PPP1R12B: variants seen among roughly 807,000 people sequenced by gnomAD.
The protein encoded by PPP1R12B is myosin phosphatase target subunit 2.
Under a neutral mutation model 126.1 loss-of-function variants are expected in PPP1R12B, and 76 were observed. The ratio of observed to expected loss-of-function variants is 0.60; its 90% CI spans 0.50 to 0.73. The LOEUF (loss-of-function observed/expected upper bound fraction) is 0.73. Ranked by LOEUF, PPP1R12B falls within the 30% of genes least tolerant of loss-of-function variation. The pLI, the probability that PPP1R12B is intolerant of heterozygous loss-of-function variation, is 0.00. For synonymous variants in PPP1R12B, 356 were observed against 434.7 expected, an observed-to-expected ratio of 0.82 and a Z score of 2.25; for missense variants, 1,052 against 1,205.1, an observed-to-expected ratio of 0.87 and a Z score of 1.88.
At chr1:202,350,230 C>G (rs1433746614) in intron 1 of PPP1R12B, among the ~76,000 whole-genome samples, 2 of 152,170 alleles carry the variant, frequency 1.3e-5, no homozygotes, top group African/African-American at 4.8e-5. Context: ...CTCTTTCACC[C>G]TATTTTGTAC....
intron 1 of PPP1R12B, among the ~76,000 whole-genome samples, chr1:202,409,498 T>A (rs1281650320): frequency 6.6e-6 from 1 of 151,522 alleles, no homozygotes; most frequent in African/African-American, 2.4e-5. Flanking sequence ...ATTTTTTGTA[T>A]TTTAGTAGAG....
At chr1:202,387,401 T>G (rs1203409704) in intron 1 of PPP1R12B, among the ~76,000 whole-genome samples, 1 of 152,212 alleles carries the variant, frequency 6.6e-6, no homozygotes, top group Admixed American at 6.5e-5. Flanking sequence ...CTTAATTAAG[T>G]GAAGACTTTG....
At chr1:202,494,721 A>G (rs1390397732) in intron 15 of PPP1R12B, among the ~76,000 whole-genome samples, 4 of 151,992 alleles carry the variant, frequency 2.6e-5, no homozygotes, top group African/African-American at 7.2e-5. Flanking sequence ...AAAAAAGAAA[A>G]GAAAAGAAAA....
chr1:202,442,590 G>T lies in PPP1R12B; in HGVS notation c.1667+18G>T. ...TTGAAAAGGTACCAGGCTCAAAGGG[G>T]GTGGGAGATGTTTCTTTCACTCTAG... On this transcript the variant is annotated intron_variant, in intron 12 of 23. Coordinates refer to ENST00000608999, the MANE Select transcript of PPP1R12B (RefSeq NM_002481.4). 6.3e-7 allele frequency: 1 copy of T among 1,597,664 alleles called. No individual in the cohort carries two copies. The highest frequency in any genetic ancestry group is 8.5e-7 in the Non-Finnish European group (1 of 1,171,712).
At chr1:202,445,993 T>A (rs1320018812) in intron 12 of PPP1R12B, among the ~76,000 whole-genome samples, 2 of 152,050 alleles carry the variant, frequency 1.3e-5, no homozygotes, top group African/African-American at 4.8e-5. Flanking sequence ...GGTGCTTGAT[T>A]GATATTTGTC....
intron 1 of PPP1R12B, among the ~76,000 whole-genome samples, chr1:202,415,863 G>A (rs953600004): frequency 1.2e-4 from 19 of 152,084 alleles, no homozygotes; most frequent in Non-Finnish European, 1.8e-4. Flanking sequence ...CCAAAGCAGT[G>A]TTTGTTTAGC....
chr1:202,533,166 T>TTC (rs1684148144), intron 18 of PPP1R12B, among the ~76,000 whole-genome samples: 1 of 152,140 alleles, frequency 6.6e-6, no homozygotes, highest in Admixed American at 6.6e-5. Flanking sequence ...ATTCACATTT[T>TTC]TACCAGTTGT....
chr1:202,377,293 G>T (rs1661322698), intron 1 of PPP1R12B, among the ~76,000 whole-genome samples: 1 of 151,946 alleles, frequency 6.6e-6, no homozygotes, highest in African/African-American at 2.4e-5. Context: ...GAATATTTTG[G>T]AGTAGTAATG....
chr1:202,501,294 A>C (rs905212817), intron 18 of PPP1R12B, among the ~76,000 whole-genome samples: 26 of 152,246 alleles, frequency 1.7e-4, no homozygotes, highest in Non-Finnish European at 2.6e-4. Flanking sequence ...GGAGGGAACA[A>C]GCATAGGTAC....
chr1:202,441,242 A>G (rs557512901), intron 11 of PPP1R12B, among the ~76,000 whole-genome samples: 2 of 152,338 alleles, frequency 1.3e-5, no homozygotes, highest in African/African-American at 4.8e-5. Context: ...AGGGATTTTG[A>G]AGTATTGCTG....
rs188760303 is a variant in PPP1R12B, at chr1:202,364,516, T to G, written c.291+15374T>G. Among the ~76,000 whole-genome samples the G allele has an allele frequency of 1.1e-4, 17 of 152,264 alleles. No individual in the cohort carries two copies. In the East Asian group the frequency reaches 2.9e-3, roughly 26 times the overall value. On this transcript the variant is annotated intron_variant, in intron 1 of 23. Coordinates refer to ENST00000608999, the MANE Select transcript of PPP1R12B (RefSeq NM_002481.4). ...ATCATGGCTCACTACAGCCTTGACTTCCTGGGCTCAAGCATTCCTCCTGCC... is the reference window on the plus strand; with the variant it reads ...ATCATGGCTCACTACAGCCTTGACTGCCTGGGCTCAAGCATTCCTCCTGCC...
intron 8 of PPP1R12B, among the ~76,000 whole-genome samples, chr1:202,433,217 G>T (rs182922759): frequency 6.6e-6 from 1 of 152,206 alleles, no homozygotes; most frequent in Admixed American, 6.5e-5. Flanking sequence ...CATGTTCTAG[G>T]CTTCAAATAT....
At chr1:202,393,901 A>T (rs992865856) in intron 1 of PPP1R12B, among the ~76,000 whole-genome samples, 16 of 152,056 alleles carry the variant, frequency 1.1e-4, no homozygotes, top group Non-Finnish European at 1.9e-4. Context: ...TCTCTAAAAA[A>T]TAAATAAATA....
At chr1:202,368,825 G>T (rs1275161871) in intron 1 of PPP1R12B, among the ~76,000 whole-genome samples, 2 of 152,082 alleles carry the variant, frequency 1.3e-5, no homozygotes, top group Non-Finnish European at 2.9e-5. Context: ...CTTGACTCCT[G>T]GGCCCAAGCC....
At chr1:202,473,142 T>G (rs1676159825) in intron 13 of PPP1R12B, among the ~76,000 whole-genome samples, 1 of 152,204 alleles carries the variant, frequency 6.6e-6, no homozygotes, top group African/African-American at 2.4e-5. Flanking sequence ...ATTCGTTGCT[T>G]AAACATCAGC....
intron 1 of PPP1R12B, among the ~76,000 whole-genome samples, chr1:202,413,654 CTTA>C (rs4022371): frequency 6.6e-6 from 1 of 152,020 alleles, no homozygotes; most frequent in African/African-American, 2.4e-5. Flanking sequence ...TAAATATGTA[CTTA>C]TTAAGTCATT....
intron 18 of PPP1R12B, among the ~76,000 whole-genome samples, chr1:202,545,439 T>C (rs1685552318): frequency 6.6e-6 from 1 of 152,234 alleles, no homozygotes; most frequent in Non-Finnish European, 1.5e-5. Flanking sequence ...TTCGAAGACA[T>C]CAGCTCCCTT....
intron 18 of PPP1R12B, among the ~76,000 whole-genome samples, chr1:202,518,368 T>C (rs1246042980): frequency 1.3e-5 from 2 of 152,244 alleles, no homozygotes; most frequent in East Asian, 1.9e-4. Context: ...AAGTATACTA[T>C]GATTTATCCA....
intron 19 of PPP1R12B, among the ~76,000 whole-genome samples, chr1:202,561,376 GA>G (rs1687505183): frequency 6.7e-6 from 1 of 150,130 alleles, no homozygotes; most frequent in African/African-American, 2.4e-5. Context: ...TAATGGAGAA[GA>G]CTGCAGTCTT....
Sources: allele counts gnomAD v4.1 joint callset (sites outside exome capture counted in the v4.1 genomes callset), GRCh38; gene constraint gnomAD v4.1.1; transcripts MANE v1.5; gene names NCBI Gene and HGNC (gene_info 2026-07-23, HGNC 2026-07-21).